Variants in FAM47E observed in about 807,000 individuals in gnomAD.
FAM47E encodes the protein family with sequence similarity 47 member E, also known as protein FAM47E.
Under a neutral mutation model 41.6 loss-of-function variants are expected in FAM47E, and 32 were observed. The observed-to-expected ratio is 0.77, with a 90% CI of 0.58 to 1.03. The LOEUF (loss-of-function observed/expected upper bound fraction) is 1.03. Among genes scored for constraint, FAM47E ranks in the 50% least tolerant of loss-of-function variants. The pLI, the probability that FAM47E is intolerant of heterozygous loss-of-function variation, is 0.00. For missense variants in FAM47E, 424 were observed against 485.4 expected (o/e 0.87, Z 1.19); for synonymous variants, 184 against 188.7 (o/e 0.98, Z 0.20).
intron 2 of FAM47E, among the ~76,000 whole-genome samples, chr4:76,236,897 CTTTTTTT>C (rs770275863): frequency 2.9e-5 from 4 of 136,368 alleles, no homozygotes; most frequent in Non-Finnish European, 1.6e-5. Flanking sequence ...TCTTTTCTTT[CTTTTTTT>C]TTTTTTTTTG....
intron 2 of FAM47E, among the ~76,000 whole-genome samples, chr4:76,241,896 C>T (rs1340129299): frequency 6.6e-6 from 1 of 152,192 alleles, no homozygotes; most frequent in Non-Finnish European, 1.5e-5. Flanking sequence ...AGAAGCTGCA[C>T]TCTTCACGTT....
intron 3 of FAM47E, among the ~76,000 whole-genome samples, chr4:76,267,238 G>T (rs770228908): frequency 3.3e-5 from 5 of 152,170 alleles, no homozygotes; most frequent in Admixed American, 6.5e-5. Context: ...ATGAATAAAA[G>T]GTACAGGGGC....
intron 2 of FAM47E, among the ~76,000 whole-genome samples, chr4:76,218,541 A>G (rs901320481): frequency 2.0e-5 from 3 of 152,180 alleles, no homozygotes; most frequent in Admixed American, 2.0e-4. Flanking sequence ...CCTCATTATC[A>G]TCTTTGCACC....
Position 76,251,834 on chromosome 4 carries a change from GC to G in FAM47E, c.74+17del. On this transcript the variant is annotated intron_variant, in intron 1 of 7. Transcript: ENST00000424749. ...CTGCAGGTCCAGGTAAACACTCAGC[GC>G]CCGGGCCGAGGGCGCATCCCACGCG... 7.0e-7 allele frequency: 1 copy of G among 1,433,460 alleles called. No homozygotes were observed. The highest frequency in any genetic ancestry group is 9.1e-7 in the Non-Finnish European group (1 of 1,097,646). The allele number at this position is 1,433,460 out of a possible 1,614,324, so 88.8% of individuals were successfully genotyped here.
chr4:76,276,334 A>G (rs1416610681), intron 5 of FAM47E, among the ~76,000 whole-genome samples: 1 of 120,410 alleles, frequency 8.3e-6, no homozygotes, highest in Non-Finnish European at 1.9e-5. Flanking sequence ...AAAGAAGGCA[A>G]AGACTGTTGG....
intron 5 of FAM47E, among the ~76,000 whole-genome samples, chr4:76,272,985 G>A (rs988927409): frequency 1.3e-5 from 2 of 152,176 alleles, no homozygotes; most frequent in Non-Finnish European, 2.9e-5. Flanking sequence ...TATGTCTGAA[G>A]ACAACTTGTT....
At chr4:76,252,709 A>T (rs1381407387) in intron 1 of FAM47E, among the ~76,000 whole-genome samples, 1 of 152,154 alleles carries the variant, frequency 6.6e-6, no homozygotes, top group African/African-American at 2.4e-5. Flanking sequence ...CTTCTTTGGG[A>T]AGCTTCTCCC....
chr4:76,216,270 G>A (rs1352395109), intron 1 of FAM47E, among the ~76,000 whole-genome samples: 1 of 152,160 alleles, frequency 6.6e-6, no homozygotes, highest in Non-Finnish European at 1.5e-5. Context: ...CCTAGGCATT[G>A]GTTGAAGTCC....
At chr4:76,240,152 T>C (rs1733677118) in intron 2 of FAM47E, among the ~76,000 whole-genome samples, 1 of 152,236 alleles carries the variant, frequency 6.6e-6, no homozygotes. Context: ...CCTCCAGCTT[T>C]TGAAGTGAAG....
chr4:76,228,677 C>A lies in FAM47E; in HGVS notation c.81+10989C>A, dbSNP rs7693244. On this transcript the variant is annotated intron_variant, in intron 2 of 7. Coordinates refer to the FAM47E transcript ENST00000510197. ...TGCTTAAGGAGGCTAAAGATAGTAC[C>A]CCAATCCTTTCTGGCTTGTAGAGAT... Among the ~76,000 whole-genome samples the A allele has an allele frequency of 5.8e-3, 878 of 152,196 alleles. 11 individuals are homozygous for A. Among genetic ancestry groups the A allele is most frequent in the African/African-American group, 0.02 (831 of 41,542 alleles).
intron 6 of FAM47E, chr4:76,278,523 G>C (rs1462887113): frequency 2.6e-6 from 1 of 391,290 alleles, no homozygotes; most frequent in Admixed American, 4.3e-5. Flanking sequence ...AAAGGGTGGT[G>C]TGACTTGGTA....
At chr4:76,240,991 T>A (rs528207950) in intron 2 of FAM47E, among the ~76,000 whole-genome samples, 1 of 152,312 alleles carries the variant, frequency 6.6e-6, no homozygotes, top group East Asian at 1.9e-4. Context: ...TTGTTTTTGT[T>A]GTTGTTGTTG....
rs6818936 is a variant in FAM47E, at chr4:76,226,476, T to C, written c.81+8788T>C. On this transcript the variant is annotated intron_variant, in intron 2 of 7. Transcript: ENST00000510197. ...ATTCCAGAGGCTAAGAGGGGTTTTA[T>C]GCCCTGAGCCCTGGATTCCATCCAA... is the stretch of plus-strand genomic sequence containing the variant. Among the ~76,000 whole-genome samples the C allele has an allele frequency of 1.8e-3, 274 of 152,294 alleles. 1 individual carries two copies. The highest frequency in any genetic ancestry group is 6.8e-3 in the Middle Eastern group (2 of 294).
intron 1 of FAM47E, among the ~76,000 whole-genome samples, chr4:76,253,155 C>T (rs1022660613): frequency 6.6e-6 from 1 of 152,146 alleles, no homozygotes; most frequent in Admixed American, 6.5e-5. Flanking sequence ...GGCTCTTTTT[C>T]ACTCATCATA....
intron 2 of FAM47E, among the ~76,000 whole-genome samples, chr4:76,237,316 G>A (rs1487308971): frequency 1.3e-5 from 2 of 150,642 alleles, no homozygotes; most frequent in African/African-American, 4.9e-5. Flanking sequence ...TGCCCTGGCT[G>A]AGAAAGTCCA....
At chr4:76,261,730 T>A (rs796757455) in intron 2 of FAM47E, among the ~76,000 whole-genome samples, 1 of 152,164 alleles carries the variant, frequency 6.6e-6, no homozygotes, top group East Asian at 1.9e-4. Flanking sequence ...CTATGTTCAC[T>A]ATTTGAGTGA....
Position 76,268,589 on chromosome 4 carries a change from C to T in FAM47E, c.561-71C>T. The stretch of plus-strand genomic sequence containing the variant: ...CTTGCTTTATGATTTCCTTTTGCCT[C>T]TAAAACTGTTTGAAATCCATTTGGA... On this transcript the variant is annotated intron_variant, in intron 3 of 7. Coordinates refer to ENST00000424749, the MANE Select transcript of FAM47E (RefSeq NM_001136570.3). The T allele has an allele frequency of 4.7e-6, 7 of 1,481,814 alleles. No homozygotes were observed. In the South Asian group the frequency reaches 9.2e-5, roughly 19 times the overall value. 91.8% of individuals were successfully genotyped at this position (1,481,814 alleles called of 1,614,324 possible).
intron 2 of FAM47E, among the ~76,000 whole-genome samples, chr4:76,236,869 T>A (rs1487492918): frequency 6.6e-6 from 1 of 151,692 alleles, no homozygotes; most frequent in Non-Finnish European, 1.5e-5. Context: ...TCAGAGAGAA[T>A]AGGTTGTAAA....
intron 2 of FAM47E, among the ~76,000 whole-genome samples, chr4:76,259,397 G>A (rs564696420): frequency 1.3e-5 from 2 of 152,294 alleles, no homozygotes; most frequent in East Asian, 3.9e-4. Context: ...AGAAAAACTA[G>A]TGCGTGTTTC....
Sources: allele counts gnomAD v4.1 joint callset (sites outside exome capture counted in the v4.1 genomes callset), GRCh38; gene constraint gnomAD v4.1.1; transcripts MANE v1.5; gene names NCBI Gene and HGNC (gene_info 2026-07-23, HGNC 2026-07-21).